Variants in PLEKHO2 observed in about 807,000 individuals in gnomAD.
The protein encoded by PLEKHO2 is pleckstrin homology domain-containing family O member 2.
In PLEKHO2, 20 loss-of-function variants were observed where a neutral mutation model predicts 32.7. That is an observed-to-expected ratio of 0.61 (90% CI 0.43 to 0.89). The LOEUF is 0.89. Among genes scored for constraint, PLEKHO2 ranks in the 40% least tolerant of loss-of-function variants. PLEKHO2 has a pLI of 0.00. For missense variants in PLEKHO2, 568 were observed against 621.2 expected, an observed-to-expected ratio of 0.91 and a Z score of 0.91; for synonymous variants, 247 against 246.3, an observed-to-expected ratio of 1.00 and a Z score of -0.03.
At chr15:64,843,126 T>C (rs1684036) in intron 1 of PLEKHO2, among the ~76,000 whole-genome samples, 107,278 of 152,194 alleles carry the variant, frequency 0.7, 38,848 homozygotes, top group East Asian at 0.94. Context: ...CTCCCACTTT[T>C]CCAGGGCCAT....
At chr15:64,858,241 G>C (rs887639511) in intron 3 of PLEKHO2, among the ~76,000 whole-genome samples, 1 of 152,242 alleles carries the variant, frequency 6.6e-6, no homozygotes, top group African/African-American at 2.4e-5. Context: ...GCATTTGGCT[G>C]TGCCTGGCAT....
chr15:64,865,165 C>A lies in PLEKHO2; in HGVS notation c.750C>A (p.Thr250=), dbSNP rs1389343894. Residue 250 remains threonine (T), a synonymous_variant, in exon 6 of 6, where the codon ACC becomes ACA. Transcript: ENST00000323544. ...VSPESQEDSE[T]PAEEDSGSEQ... ...CTGAGAGCCAAGAGGACTCAGAGAC[C>A]CCAGCAGAGGAGGACAGTGGCTCTG... is the stretch of plus-strand genomic sequence containing the variant. The A allele has an allele frequency of 6.2e-7, 1 of 1,614,132 alleles. No individual in the cohort carries two copies. The highest frequency in any genetic ancestry group is 1.3e-5 in the African/African-American group (1 of 75,032).
intron 2 of PLEKHO2, among the ~76,000 whole-genome samples, chr15:64,850,405 A>C (rs2084558572): frequency 6.6e-6 from 1 of 152,134 alleles, no homozygotes; most frequent in Non-Finnish European, 1.5e-5. Context: ...AAACTCCAAA[A>C]CTTATTTTTG....
intron 2 of PLEKHO2, among the ~76,000 whole-genome samples, chr15:64,853,503 C>T (rs756155859): frequency 5.3e-5 from 8 of 151,812 alleles, no homozygotes; most frequent in Admixed American, 4.6e-4. Flanking sequence ...ACTGTGTTGG[C>T]CAGTATGGTC....
At chr15:64,861,411 C>T (rs11637246) in intron 4 of PLEKHO2, 66 bp from the exon 5 acceptor site, 121,864 of 1,275,036 alleles carry the variant, frequency 0.096, 6,509 homozygotes, top group Non-Finnish European at 0.11. Flanking sequence ...GAGCCAGGTC[C>T]GCCCTGGCTA....
intron 2 of PLEKHO2, among the ~76,000 whole-genome samples, chr15:64,851,295 C>T (rs777125197): frequency 2.4e-4 from 37 of 152,168 alleles, no homozygotes; most frequent in Non-Finnish European, 4.7e-4. Context: ...CTTCCAGTGC[C>T]AGCTGCCATG....
intron 2 of PLEKHO2, among the ~76,000 whole-genome samples, chr15:64,852,128 C>T (rs933052543): frequency 3.9e-5 from 6 of 152,126 alleles, no homozygotes; most frequent in Admixed American, 2.6e-4. Context: ...TGGCAGGACT[C>T]GGCTCCTAGC....
chr15:64,842,982 C>G (rs1167965064), intron 1 of PLEKHO2, among the ~76,000 whole-genome samples: 3 of 152,238 alleles, frequency 2.0e-5, no homozygotes, highest in Non-Finnish European at 2.9e-5. Flanking sequence ...TTCAGCCCCT[C>G]TCAGCCCAAG....
intron 1 of PLEKHO2, among the ~76,000 whole-genome samples, chr15:64,842,646 G>A (rs1204135676): frequency 6.6e-6 from 1 of 152,130 alleles, no homozygotes; most frequent in Admixed American, 6.5e-5. Context: ...ACATCCATCT[G>A]AGCAGCTAGC....
At chr15:64,860,094 C>T (rs2084632121) in intron 4 of PLEKHO2, 96 bp downstream of exon 4, 1 of 1,054,530 alleles carries the variant, frequency 9.5e-7, no homozygotes, top group Non-Finnish European at 1.5e-6. Flanking sequence ...CCCAGACTAC[C>T]CCTTGATTAT....
chr15:64,849,097 A>C (rs1159827529), intron 2 of PLEKHO2, among the ~76,000 whole-genome samples: 1 of 149,786 alleles, frequency 6.7e-6, no homozygotes, highest in East Asian at 2.0e-4. Context: ...CCTCTGTCTT[A>C]GCCTCCTGAG....
chr15:64,865,061 A>G lies in PLEKHO2; in HGVS notation c.646A>G (p.Thr216Ala). ...PTKPFLAPET[T>A]SPGDRVETPV... is the part of the protein sequence containing the mutation. ...CAAGCCTTTCCTAGCACCTGAGACC[A>G]CCAGCCCTGGTGACAGGGTGGAGAC... Residue 216 changes from threonine to alanine, a missense_variant, in exon 6 of 6, where the codon ACC (threonine) becomes GCC (alanine). Coordinates refer to ENST00000323544, the MANE Select transcript of PLEKHO2 (RefSeq NM_025201.5). The G allele has an allele frequency of 2.5e-6, 4 of 1,614,044 alleles. No homozygotes were observed. Among genetic ancestry groups the G allele is most frequent in the African/African-American group, 2.7e-5 (2 of 75,000 alleles).
intron 1 of PLEKHO2, among the ~76,000 whole-genome samples, chr15:64,843,003 T>C (rs1324227484): frequency 3.9e-5 from 6 of 152,202 alleles, no homozygotes; most frequent in Admixed American, 3.9e-4. Flanking sequence ...GGAAGGGGCA[T>C]GTCTTTGCCT....
chr15:64,865,720 G>C lies in PLEKHO2; in HGVS notation c.1305G>C (p.Pro435=). 6.2e-7 allele frequency: 1 copy of C among 1,614,212 alleles called. No homozygotes were observed. ...KLLNKVLGSE[P]APVSAETLLS... is the part of the protein sequence containing the mutation. ...TGAACAAGGTGCTGGGCAGTGAGCC[G>C]GCCCCTGTTAGTGCCGAAACATTGC... Residue 435 remains proline (P), a synonymous_variant, in exon 6 of 6, where the codon CCG becomes CCC. Coordinates refer to ENST00000323544, the MANE Select transcript of PLEKHO2 (RefSeq NM_025201.5).
intron 1 of PLEKHO2, 48 bp from the exon 2 acceptor site, chr15:64,848,545 G>A (rs1415201403): frequency 1.2e-6 from 2 of 1,610,380 alleles, no homozygotes; most frequent in African/African-American, 2.7e-5. Flanking sequence ...TGTGACCTGT[G>A]ACCCCATGGT....
Position 64,866,907 on chromosome 15 carries a change from T to TCC in PLEKHO2, c.*1022_*1023dup, listed in dbSNP as rs34234325. The TCC allele has an allele frequency of 2.0e-5, 3 of 152,616 alleles. No homozygotes were observed. In the South Asian group the frequency reaches 6.2e-4, roughly 31 times the overall value. 9.5% of individuals were successfully genotyped at this position (152,616 alleles called of 1,614,324 possible). On this transcript the variant is annotated 3_prime_UTR_variant, in exon 6 of 6. Coordinates refer to ENST00000323544, the MANE Select transcript of PLEKHO2 (RefSeq NM_025201.5). ...GGGTATGTTGGAATCCGAAGCCACT[T>TCC]CCCCGCCTTCAAGCCCCAGATGGGC... is the stretch of plus-strand genomic sequence containing the variant.
In PLEKHO2 at chr15:64,865,338, A is replaced by C. The variant is rs758759909; in HGVS notation, c.923A>C (p.Lys308Thr). The stretch of plus-strand genomic sequence containing the variant: ...GAGGCTGCCCCCAGGGAGGGTGGGA[A>C]GCCCCCTACACCCCCACCCAAGATC... ...TSEAAPREGG[K>T]PPTPPPKILS... is the part of the protein sequence containing the mutation. Residue 308 changes from lysine to threonine, a missense_variant, in exon 6 of 6, where the codon AAG becomes ACG. Physicochemically the swap from Lys to Thr is moderately conservative, Grantham distance 78. Transcript: ENST00000323544. 1 of 1,613,880 alleles carries C rather than the reference A, an allele frequency of 6.2e-7. No individual in the cohort carries two copies. The highest frequency in any genetic ancestry group is 8.5e-7 in the Non-Finnish European group (1 of 1,179,862).
chr15:64,861,467 CT>C lies in PLEKHO2; in HGVS notation c.385-9del. The C allele has an allele frequency of 6.3e-7, 1 of 1,580,696 alleles. No individual in the cohort carries two copies. The highest frequency in any genetic ancestry group is 1.3e-5 in the African/African-American group (1 of 74,634). On this transcript the variant is annotated splice_polypyrimidine_tract_variant and intron_variant, in intron 4 of 5. Transcript: ENST00000323544. The stretch of plus-strand genomic sequence containing the variant: ...TTGGCAGGGGCTGATCTGGTTCCCC[CT>C]CCCTCCAGGTAAAGGTGGACAAGAG...
At position 64,841,990 on chromosome 15, in the gene PLEKHO2, G is replaced by A. The variant is rs2084487206; in HGVS notation, c.-27G>A. The A allele has an allele frequency of 1.9e-5, 24 of 1,246,860 alleles. No individual in the cohort carries two copies. The highest frequency in any genetic ancestry group is 2.4e-5 in the Non-Finnish European group (24 of 996,208). The allele number at this position is 1,246,860 out of a possible 1,614,324, so 77.2% of individuals were successfully genotyped here. A position where few individuals can be genotyped will look rare whatever the true frequency, so the allele number is the denominator to read the frequency against. ...CGCGCGGCGCTGGAAGCGAGTGGCG[G>A]AGCGGCGGGACCTCGGCGGACTCGC... On this transcript the variant is annotated 5_prime_UTR_variant, in exon 1 of 6. Coordinates refer to ENST00000323544, the MANE Select transcript of PLEKHO2 (RefSeq NM_025201.5).
Sources: gnomAD v4.1 joint callset for allele counts (sites outside exome capture counted in the v4.1 genomes callset) on GRCh38, gnomAD v4.1.1 for gene constraint, MANE v1.5 for transcripts, NCBI Gene and HGNC (gene_info 2026-07-23, HGNC 2026-07-21) for gene names.